Variants in CEP63 observed in about 807,000 individuals in gnomAD.
CEP63 encodes the protein centrosomal protein 63.
Under a neutral mutation model 89.1 loss-of-function variants are expected in CEP63, and 84 were observed. The observed-to-expected ratio is 0.94, with a 90% CI of 0.79 to 1.13. The LOEUF is 1.13. Ranked by LOEUF, CEP63 falls within the 50% of genes most tolerant of loss-of-function variation. CEP63 has a pLI of 0.00. For missense variants in CEP63, 838 were observed against 813.3 expected, an observed-to-expected ratio of 1.03 and a Z score of -0.37; for synonymous variants, 267 against 272.5, an observed-to-expected ratio of 0.98 and a Z score of 0.20.
chr3:134,651,718 C>A, the CEP63 span: 51 of 667,040 alleles, frequency 7.6e-5, no homozygotes, highest in Non-Finnish European at 9.1e-5. Context: ...AGTCTCGGTT[C>A]GTTCTAGAAG....
chr3:134,709,919 G>A, the CEP63 span, among the ~76,000 whole-genome samples: 5 of 152,326 alleles, frequency 3.3e-5, no homozygotes, highest in South Asian at 1.0e-3. Flanking sequence ...TATTCATCTA[G>A]TTAGATTGGG....
At chr3:134,571,981 C>T (rs1234208062) in intron 11 of CEP63, among the ~76,000 whole-genome samples, 1 of 152,142 alleles carries the variant, frequency 6.6e-6, no homozygotes, top group Non-Finnish European at 1.5e-5. Context: ...GCACTGTGGC[C>T]TATACTCATA....
chr3:134,713,549 C>T, the CEP63 span, among the ~76,000 whole-genome samples: 1 of 152,156 alleles, frequency 6.6e-6, no homozygotes, highest in Non-Finnish European at 1.5e-5. Context: ...AGCTTGGATC[C>T]TACATGGCAT....
the CEP63 span, among the ~76,000 whole-genome samples, chr3:134,700,616 C>T: frequency 6.6e-6 from 1 of 152,072 alleles, no homozygotes; most frequent in African/African-American, 2.4e-5. Context: ...GATTTATCTT[C>T]CTTATCATCC....
chr3:134,544,643 G>GGT (rs776729229), intron 6 of CEP63, among the ~76,000 whole-genome samples: 21 of 147,962 alleles, frequency 1.4e-4, no homozygotes, highest in Non-Finnish European at 2.1e-4. Flanking sequence ...AGGTGGGGGG[G>GGT]GGAATTTAAA....
chr3:134,724,940 G>A, the CEP63 span, among the ~76,000 whole-genome samples: 7 of 152,190 alleles, frequency 4.6e-5, no homozygotes, highest in South Asian at 1.5e-3. Context: ...TTTAAAAAAA[G>A]CTTTTCTAAA....
Position 134,551,807 on chromosome 3 carries a change from G to GTA in CEP63, c.1381-108_1381-107dup, listed in dbSNP as rs377453758. 1,956 of 310,418 alleles carry GTA rather than the reference G, an allele frequency of 6.3e-3. 48 individuals are homozygous for GTA. The highest frequency in any genetic ancestry group is 0.035 in the South Asian group (824 of 23,832). 19.2% of individuals were successfully genotyped at this position (310,418 alleles called of 1,614,324 possible). A position where few individuals can be genotyped will look rare whatever the true frequency, so the allele number is the denominator to read the frequency against. ...TATATATATATATAAATATGTATAT[G>GTA]TATATATATATAAATGAAGAATATG... On this transcript the variant is annotated intron_variant, in intron 11 of 14. Coordinates refer to ENST00000675561, the MANE Select transcript of CEP63 (RefSeq NM_001353108.3).
chr3:134,780,526 T>G, the CEP63 span: 1 of 152,256 alleles, frequency 6.6e-6, no homozygotes, highest in East Asian at 1.9e-4. Context: ...GTATGTGGTA[T>G]AAAAATATGG....
chr3:134,611,533 C>T, the CEP63 span, among the ~76,000 whole-genome samples: 1 of 152,378 alleles, frequency 6.6e-6, no homozygotes, highest in East Asian at 1.9e-4. Flanking sequence ...AGAAAAGGTT[C>T]CCCTTCCTCA....
At chr3:134,733,892 A>G in the CEP63 span, among the ~76,000 whole-genome samples, 2 of 152,212 alleles carry the variant, frequency 1.3e-5, no homozygotes, top group Non-Finnish European at 2.9e-5. Flanking sequence ...TCCCTAACAT[A>G]ATAAACCATA....
chr3:134,719,882 C>T, the CEP63 span, among the ~76,000 whole-genome samples: 1 of 152,122 alleles, frequency 6.6e-6, no homozygotes, highest in Non-Finnish European at 1.5e-5. Context: ...AACGAATGAA[C>T]ATTTGGGTTG....
the CEP63 span, among the ~76,000 whole-genome samples, chr3:134,596,110 T>G: frequency 1.4e-4 from 21 of 152,174 alleles, no homozygotes; most frequent in African/African-American, 4.8e-4. Flanking sequence ...GCTAAATTTT[T>G]ATGTCACTCT....
chr3:134,549,915 T>TA, intron 10 of CEP63, 148 bp from the exon 11 acceptor site: 2 of 681,966 alleles, frequency 2.9e-6, no homozygotes, highest in Non-Finnish European at 5.1e-6. Flanking sequence ...TGCAACTTGG[T>TA]AAATTGCTAA....
the CEP63 span, among the ~76,000 whole-genome samples, chr3:134,711,632 T>C: frequency 9.2e-5 from 14 of 152,228 alleles, no homozygotes; most frequent in Non-Finnish European, 1.3e-4. Flanking sequence ...ATATTTTGAC[T>C]ATGGAGTGCC....
the CEP63 span, among the ~76,000 whole-genome samples, chr3:134,742,801 T>C: frequency 6.6e-6 from 1 of 152,214 alleles, no homozygotes; most frequent in Non-Finnish European, 1.5e-5. Context: ...CTATCTACCA[T>C]GGGATGACAG....
At chr3:134,576,372 C>G (rs1958211885), downstream of CEP63, among the ~76,000 whole-genome samples, 1 of 152,214 alleles carries the variant, frequency 6.6e-6, no homozygotes, top group African/African-American at 2.4e-5. Flanking sequence ...TCCTGCTATT[C>G]CCTGAAGATG....
At chr3:134,720,785 A>G in the CEP63 span, among the ~76,000 whole-genome samples, 2 of 152,126 alleles carry the variant, frequency 1.3e-5, no homozygotes, top group African/African-American at 2.4e-5. Context: ...TTGATTGACC[A>G]TAAATATAAG....
At chr3:134,700,766 T>G in the CEP63 span, among the ~76,000 whole-genome samples, 1 of 152,108 alleles carries the variant, frequency 6.6e-6, no homozygotes, top group Non-Finnish European at 1.5e-5. Flanking sequence ...TCTCTTAGGT[T>G]GATCTTCACC....
Position 134,562,915 on chromosome 3 carries a change from T to C in CEP63, c.*1380T>C, listed in dbSNP as rs1957473249. On this transcript the variant is annotated 3_prime_UTR_variant, in exon 15 of 15. Transcript: ENST00000675561. The stretch of plus-strand genomic sequence containing the variant: ...TTTTCTCCCTCAGCATTCTCTTCCC[T>C]AGAAGTTTCCATTCCATTCTCAAGC... 6.6e-6 allele frequency: 1 copy of C among 152,290 alleles called. No homozygotes were observed. The highest frequency in any genetic ancestry group is 2.1e-4 in the South Asian group (1 of 4,824). 9.4% of individuals were successfully genotyped at this position (152,290 alleles called of 1,614,324 possible).
Sources: allele counts gnomAD v4.1 joint callset (sites outside exome capture counted in the v4.1 genomes callset), GRCh38; gene constraint gnomAD v4.1.1; transcripts MANE v1.5; gene names NCBI Gene and HGNC (gene_info 2026-07-23, HGNC 2026-07-21).